Variants in VPS13B observed in about 807,000 individuals in gnomAD.
The protein encoded by VPS13B is vacuolar protein sorting 13 homolog B, also known as intermembrane lipid transfer protein VPS13B.
Under a neutral mutation model 426.4 loss-of-function variants are expected in VPS13B, and 285 were observed. The ratio of observed to expected loss-of-function variants is 0.67; its 90% CI spans 0.61 to 0.74. The LOEUF is 0.74. Ranked by LOEUF, VPS13B falls within the 30% of genes least tolerant of loss-of-function variation. The pLI, the probability that VPS13B is intolerant of heterozygous loss-of-function variation, is 0.00. For missense variants in VPS13B, 4,537 were observed against 4,782.6 expected (o/e 0.95, Z 1.51); for synonymous variants, 1,676 against 1,676.4 (o/e 1.00, Z 0.01).
At chr8:99,112,649 A>G (rs1450512184) in intron 6 of VPS13B, among the ~76,000 whole-genome samples, 1 of 152,212 alleles carries the variant, frequency 6.6e-6, no homozygotes, top group Non-Finnish European at 1.5e-5. Flanking sequence ...CTTATTTTCT[A>G]TAGCCTTGGG....
At chr8:99,513,124 A>G (rs1010322131) in intron 29 of VPS13B, among the ~76,000 whole-genome samples, 3 of 151,646 alleles carry the variant, frequency 2.0e-5, no homozygotes, top group South Asian at 4.1e-4. Context: ...TTTATACTAT[A>G]TAATATAAAA....
chr8:99,516,980 A>T (rs187884309), intron 29 of VPS13B, among the ~76,000 whole-genome samples: 1 of 152,156 alleles, frequency 6.6e-6, no homozygotes, highest in African/African-American at 2.4e-5. Context: ...ATGCAACTAA[A>T]CTTTCTATTA....
intron 30 of VPS13B, among the ~76,000 whole-genome samples, chr8:99,540,771 T>G (rs900732493): frequency 7.2e-5 from 11 of 152,198 alleles, no homozygotes; most frequent in Non-Finnish European, 1.3e-4. Flanking sequence ...TTGCATTTCT[T>G]TTGTAACCAA....
intron 17 of VPS13B, chr8:99,234,310 C>T: frequency 1.3e-6 from 1 of 757,618 alleles, no homozygotes; most frequent in Non-Finnish European, 2.5e-6. Context: ...GTTCCACATT[C>T]TCCACTATCC....
chr8:99,431,266 G>A (rs536697763), intron 21 of VPS13B, among the ~76,000 whole-genome samples: 28 of 152,204 alleles, frequency 1.8e-4, no homozygotes, highest in Non-Finnish European at 3.2e-4. Context: ...TAAATAGAAC[G>A]TTACTATCAC....
At chr8:99,824,663 G>GGT (rs1814571669) in intron 51 of VPS13B, among the ~76,000 whole-genome samples, 1 of 150,814 alleles carries the variant, frequency 6.6e-6, no homozygotes, top group South Asian at 2.1e-4. Flanking sequence ...TTGTTACATA[G>GGT]GTATACATGT....
chr8:99,163,489 A>G (rs910346139), intron 15 of VPS13B, among the ~76,000 whole-genome samples: 60 of 152,200 alleles, frequency 3.9e-4, no homozygotes, highest in African/African-American at 1.4e-3. Context: ...ACAGGAGCCC[A>G]TGGAGTGGGT....
intron 43 of VPS13B, among the ~76,000 whole-genome samples, chr8:99,786,258 GTATT>G (rs1812260099): frequency 6.6e-6 from 1 of 152,064 alleles, no homozygotes; most frequent in Non-Finnish European, 1.5e-5. Context: ...AGGCCTTTTT[GTATT>G]TATTACAAGT....
At chr8:99,654,542 A>G (rs1226513924) in intron 34 of VPS13B, among the ~76,000 whole-genome samples, 1 of 152,210 alleles carries the variant, frequency 6.6e-6, no homozygotes, top group Non-Finnish European at 1.5e-5. Context: ...AAAATGTATG[A>G]AACTCAGTAA....
chr8:99,287,013 A>G (rs1340223354), intron 19 of VPS13B, among the ~76,000 whole-genome samples: 1 of 152,116 alleles, frequency 6.6e-6, no homozygotes, highest in Non-Finnish European at 1.5e-5. Flanking sequence ...TGCTTTGCCA[A>G]TACCTGGAAC....
chr8:99,045,384 A>G (rs973561440), intron 3 of VPS13B, among the ~76,000 whole-genome samples: 2 of 120,038 alleles, frequency 1.7e-5, no homozygotes, highest in African/African-American at 3.4e-5. Context: ...TCCTTAGCCC[A>G]CTTTCTGATG....
intron 52 of VPS13B, among the ~76,000 whole-genome samples, chr8:99,832,905 G>A (rs1473836022): frequency 2.6e-5 from 4 of 152,108 alleles, no homozygotes; most frequent in Admixed American, 6.5e-5. Context: ...TTGTACCACA[G>A]AATGTCATTA....
intron 3 of VPS13B, among the ~76,000 whole-genome samples, chr8:99,051,154 A>G (rs924372207): frequency 6.6e-6 from 1 of 152,084 alleles, no homozygotes; most frequent in South Asian, 2.1e-4. Flanking sequence ...TAGGGTTTTT[A>G]TGGTTTTAGG....
intron 33 of VPS13B, among the ~76,000 whole-genome samples, chr8:99,601,940 G>A (rs1259260462): frequency 6.6e-6 from 1 of 152,154 alleles, no homozygotes; most frequent in Non-Finnish European, 1.5e-5. Context: ...CTTCTATTCT[G>A]TAGGTTGCCT....
chr8:99,481,874 A>G lies in VPS13B; in HGVS notation c.3870+72A>G. The G allele has an allele frequency of 2.6e-6, 4 of 1,531,618 alleles. No individual in the cohort carries two copies. In the Admixed American group the frequency reaches 7.5e-5, roughly 29 times the overall value. The allele number at this position is 1,531,618 out of a possible 1,614,324, so 94.9% of individuals were successfully genotyped here. On this transcript the variant is annotated intron_variant, in intron 25 of 61. Coordinates refer to ENST00000357162, the MANE Select transcript of VPS13B (RefSeq NM_152564.5). ...ACACAGATTTCCAGATCATGGTTTA[A>G]AATGAAGATAACCTCACTACTGTGA...
chr8:99,169,788 T>C (rs1812220768), intron 15 of VPS13B, among the ~76,000 whole-genome samples: 1 of 152,020 alleles, frequency 6.6e-6, no homozygotes, highest in African/African-American at 2.4e-5. Flanking sequence ...AATGTGAAAC[T>C]TAAAAAAATT....
intron 34 of VPS13B, among the ~76,000 whole-genome samples, chr8:99,647,895 T>A (rs932642949): frequency 2.0e-5 from 3 of 152,160 alleles, no homozygotes; most frequent in African/African-American, 4.8e-5. Context: ...TTATGAAGAT[T>A]TGGTTTAATT....
intron 12 of VPS13B, 125 bp downstream of exon 12, chr8:99,136,877 G>T (rs2132559871): frequency 1.1e-6 from 1 of 933,566 alleles, no homozygotes; most frequent in Non-Finnish European, 1.7e-6. Context: ...GTACTTTGGG[G>T]AGTGGTTTAA....
At chr8:99,082,975 G>C (rs952775364) in intron 3 of VPS13B, among the ~76,000 whole-genome samples, 13 of 152,174 alleles carry the variant, frequency 8.5e-5, no homozygotes, top group Admixed American at 8.5e-4. Context: ...GAACTTTAAA[G>C]TAGTTTTTTC....
Sources: allele counts gnomAD v4.1 joint callset (sites outside exome capture counted in the v4.1 genomes callset), GRCh38; gene constraint gnomAD v4.1.1; transcripts MANE v1.5; gene names NCBI Gene and HGNC (gene_info 2026-07-23, HGNC 2026-07-21).